PRCD: variants seen among roughly 807,000 people sequenced by gnomAD.
The protein encoded by PRCD is photoreceptor disk component PRCD.
A neutral mutation model predicts 10.1 loss-of-function variants in PRCD; 12 were observed. The observed-to-expected ratio is 1.18, with a 90% confidence interval of 0.76 to 1.92. The LOEUF (loss-of-function observed/expected upper bound fraction) is 1.92. Ranked by LOEUF, PRCD falls within the 40% of genes most tolerant of loss-of-function variation. The pLI is 0.00. For missense variants in PRCD, 61 were observed against 72.2 expected (o/e 0.84, Z 0.56); for synonymous variants, 31 against 26.2 (o/e 1.18, Z -0.56).
intron 4 of PRCD, 21 bp from the exon 5 acceptor site, chr17:76,543,782 G>T: frequency 2.1e-6 from 1 of 470,698 alleles, no homozygotes; most frequent in South Asian, 1.5e-5. Flanking sequence ...ACTCGCTTTT[G>T]TGTCATTTGC....
downstream of PRCD, among the ~76,000 whole-genome samples, chr17:76,547,770 CAT>C (rs1321610516): frequency 1.3e-5 from 2 of 150,078 alleles, no homozygotes; most frequent in African/African-American, 4.9e-5. Flanking sequence ...CCTATACAAA[CAT>C]ATAATACACA....
chr17:76,533,164 A>C lies in PRCD; in HGVS notation n.45+5331A>C, dbSNP rs1010880313. Among the ~76,000 whole-genome samples, 1 of 152,190 alleles carries C rather than the reference A, an allele frequency of 6.6e-6. No homozygotes were observed. The highest frequency in any genetic ancestry group is 6.5e-5 in the Admixed American group (1 of 15,270). ...GAAGTTTGCACAGTGACCAGGGCAC[A>C]GTCTGTGTGGAGACTCAGGAGGGCC... On this transcript the variant is annotated intron_variant and non_coding_transcript_variant, in intron 1 of 4. Transcript: ENST00000397633. This position sits in a 1 kb window ranked among gnomAD's most constrained non-coding sequence, Gnocchi z 4.5.
In PRCD at chr17:76,533,676, T is replaced by C. The variant is rs1446111385; in HGVS notation, n.45+5843T>C. 1.3e-5 allele frequency among the ~76,000 whole-genome samples: 2 copies of C among 152,024 alleles called. No homozygotes were observed. Among genetic ancestry groups the C allele is most frequent in the Non-Finnish European group, 2.9e-5 (2 of 68,016 alleles). The stretch of plus-strand genomic sequence containing the variant: ...AGGCCAAGGCTGCAGGGAGCCAAGA[T>C]TGTGCCATTGCACTCCAGCCTGGGT... On this transcript the variant is annotated intron_variant and non_coding_transcript_variant, in intron 1 of 4. Transcript: ENST00000397633. This position sits in a 1 kb window ranked among gnomAD's most constrained non-coding sequence, Gnocchi z 4.5.
At chr17:76,545,377 C>T, downstream of PRCD, 1 of 456,624 alleles carries the variant, frequency 2.2e-6, no homozygotes, top group Non-Finnish European at 4.4e-6. Context: ...TGACACTGTC[C>T]CCACTGAGGC....
chr17:76,529,335 T>C, intron 1 of PRCD: 2 of 985,394 alleles, frequency 2.0e-6, no homozygotes, highest in Non-Finnish European at 2.4e-6. Flanking sequence ...GGGTGCCAGT[T>C]TCCACGGTAG....
intron 1 of PRCD, chr17:76,552,785 A>G: frequency 6.7e-6 from 1 of 150,118 alleles, no homozygotes; most frequent in South Asian, 2.1e-4. Flanking sequence ...AATCACATGA[A>G]TCCAGGAGGT....
upstream of PRCD, chr17:76,537,665 C>T: frequency 2.3e-6 from 2 of 888,084 alleles, no homozygotes; most frequent in Non-Finnish European, 2.7e-6. Context: ...AGGGGTAGAG[C>T]GCGGAGGGAG....
At position 76,531,803 on chromosome 17, in the gene PRCD, G is replaced by T. The variant is rs184466615; in HGVS notation, n.45+3970G>T. 2 of 839,214 alleles carry T rather than the reference G, an allele frequency of 2.4e-6. No individual in the cohort carries two copies. The highest frequency in any genetic ancestry group is 3.7e-6 in the Non-Finnish European group (2 of 540,226). The allele number at this position is 839,214 out of a possible 1,614,324, so 52.0% of individuals were successfully genotyped here. On this transcript the variant is annotated intron_variant and non_coding_transcript_variant, in intron 1 of 4. Transcript: ENST00000397633. This position sits in a 1 kb window ranked among gnomAD's most constrained non-coding sequence, Gnocchi z 7.4. ...GTGGACCGCAGTGCTCCCCACCCCC[G>T]CACCGTCACTGTTTTCACTACCATC... is the stretch of plus-strand genomic sequence containing the variant.
intron 2 of PRCD, among the ~76,000 whole-genome samples, chr17:76,541,526 G>A (rs1374593074): frequency 2.6e-5 from 4 of 152,136 alleles, no homozygotes; most frequent in Non-Finnish European, 5.9e-5. Flanking sequence ...CCGTCTTTCT[G>A]TCTCCTGTCG....
downstream of PRCD, among the ~76,000 whole-genome samples, chr17:76,549,473 G>A (rs549852057): frequency 1.2e-4 from 19 of 152,318 alleles, no homozygotes; most frequent in African/African-American, 4.6e-4. Context: ...GCTGAAGGCC[G>A]ACCATAGTAA....
Position 76,542,556 on chromosome 17 carries a change from G to A in PRCD, c.147G>A (p.Glu49=), listed in dbSNP as rs776381622. Residue 49 remains glutamate (E), a synonymous_variant, in exon 3 of 5, where the codon GAG becomes GAA. Coordinates refer to ENST00000592014, the MANE Select transcript of PRCD (RefSeq NM_001077620.3). Reference sequence around the variant, plus strand: ...CCCAGTGCTTTCCTCTGTTTAGGGAGAAAGAACCTCTGAAGTAAGCCCTCA... The same window carrying A: ...CCCAGTGCTTTCCTCTGTTTAGGGAAAAAGAACCTCTGAAGTAAGCCCTCA... ...LDADPQSSGR[E]KEPLK 6.2e-7 allele frequency: 1 copy of A among 1,614,210 alleles called. No homozygotes were observed. The highest frequency in any genetic ancestry group is 8.5e-7 in the Non-Finnish European group (1 of 1,180,032).
rs1381070690 is a variant in PRCD, at chr17:76,544,273, T to C, written c.*623T>C. 1.1e-5 allele frequency: 5 copies of C among 454,412 alleles called. No homozygotes were observed. Among genetic ancestry groups the C allele is most frequent in the South Asian group, 6.2e-5 (4 of 64,478 alleles). The allele number at this position is 454,412 out of a possible 1,614,324, so 28.1% of individuals were successfully genotyped here. A position where few individuals can be genotyped will look rare whatever the true frequency, so the allele number is the denominator to read the frequency against. ...CCCAGCGGCGATGTCTCTGCCTGGCTGGCCCGTGCCCTTGACTTCCAGGCA... is the reference window on the plus strand; with the variant it reads ...CCCAGCGGCGATGTCTCTGCCTGGCCGGCCCGTGCCCTTGACTTCCAGGCA... On this transcript the variant is annotated 3_prime_UTR_variant, in exon 5 of 5. Transcript: ENST00000592014.
At position 76,544,583 on chromosome 17, in the gene PRCD, G is replaced by A. The variant is rs73998961; in HGVS notation, c.*933G>A. On this transcript the variant is annotated 3_prime_UTR_variant, in exon 5 of 5. Transcript: ENST00000592014. ...GAGCCTGCAGAGGCAAAGCCAGAGC[G>A]CCAGCCTGACCCAGGCCGTGAGCCC... is the stretch of plus-strand genomic sequence containing the variant. The A allele has an allele frequency of 0.019, 8,501 of 456,658 alleles. 230 individuals are homozygous for A. Among genetic ancestry groups the A allele is most frequent in the African/African-American group, 0.082 (4,104 of 50,176 alleles). 28.3% of individuals were successfully genotyped at this position (456,658 alleles called of 1,614,324 possible).
rs1465539901 is a variant in PRCD, at chr17:76,544,969, AAG to A, written c.*1324_*1325del. On this transcript the variant is annotated 3_prime_UTR_variant, in exon 5 of 5. Transcript: ENST00000592014. ...ATCCATCCAGAGGAAGGGCGGGAAA[AAG>A]AGAGGAAGGGGCTGCTGGCGGCCAG... 8.8e-6 allele frequency: 4 copies of A among 456,332 alleles called. No homozygotes were observed. Among genetic ancestry groups the A allele is most frequent in the Non-Finnish European group, 1.8e-5 (4 of 226,882 alleles). The allele number at this position is 456,332 out of a possible 1,614,324, so 28.3% of individuals were successfully genotyped here. A position where few individuals can be genotyped will look rare whatever the true frequency, so the allele number is the denominator to read the frequency against.
Position 76,544,334 on chromosome 17 carries a change from G to A in PRCD, c.*684G>A, listed in dbSNP as rs901996843. ...GAGTTCTCTAGACAGCAGCACTTCAGCCGCCACTCTGCCTCTGAAGGGAAG... is the reference window on the plus strand; with the variant it reads ...GAGTTCTCTAGACAGCAGCACTTCAACCGCCACTCTGCCTCTGAAGGGAAG... On this transcript the variant is annotated 3_prime_UTR_variant, in exon 5 of 5. Transcript: ENST00000592014. 34 of 454,386 alleles carry A rather than the reference G, an allele frequency of 7.5e-5. 1 individual carries two copies. The highest frequency in any genetic ancestry group is 1.4e-4 in the Non-Finnish European group (32 of 226,846). 28.1% of individuals were successfully genotyped at this position (454,386 alleles called of 1,614,324 possible).
In PRCD at chr17:76,531,200, C is replaced by G; in HGVS notation, n.45+3367C>G. The G allele has an allele frequency of 6.4e-7, 1 of 1,551,894 alleles. No individual in the cohort carries two copies. The highest frequency in any genetic ancestry group is 8.8e-7 in the Non-Finnish European group (1 of 1,137,084). On this transcript the variant is annotated intron_variant and non_coding_transcript_variant, in intron 1 of 4. Transcript: ENST00000397633. The surrounding 1 kb of genome is among the most constrained non-coding windows in gnomAD (Gnocchi z 7.4). ...CCCGGGCGCCCTGCGTCCTGCAACCCCCAGGCCCCTCCGCCCCACGTGTGG... is the reference window on the plus strand; with the variant it reads ...CCCGGGCGCCCTGCGTCCTGCAACCGCCAGGCCCCTCCGCCCCACGTGTGG...
chr17:76,527,683 C>A (rs764523129), upstream of PRCD: 8 of 453,914 alleles, frequency 1.8e-5, no homozygotes, highest in Non-Finnish European at 3.1e-5. Context: ...GTCCCGCCGA[C>A]CTGCTGCCCA....
rs1280089315 is a variant in PRCD, at chr17:76,530,292, A to C, written n.45+2459A>C. Among the ~76,000 whole-genome samples, 2 of 151,838 alleles carry C rather than the reference A, an allele frequency of 1.3e-5. No homozygotes were observed. Among genetic ancestry groups the C allele is most frequent in the Non-Finnish European group, 2.9e-5 (2 of 67,916 alleles). Reference sequence around the variant, plus strand: ...GGGAGGCCGAGTGTTCCCAACCGCCACATCTGGGGGCTAGCCCTCCCCTCA... The same window carrying C: ...GGGAGGCCGAGTGTTCCCAACCGCCCCATCTGGGGGCTAGCCCTCCCCTCA... On this transcript the variant is annotated intron_variant and non_coding_transcript_variant, in intron 1 of 4. Coordinates refer to the PRCD transcript ENST00000397633. This position sits in a 1 kb window ranked among gnomAD's most constrained non-coding sequence, Gnocchi z 6.1.
Position 76,530,987 on chromosome 17 carries a change from G to T in PRCD, n.45+3154G>T. ...CTCGCCCGCCTCCTCACGTGGTGGCGTTGGGGACCTGCTGCACCCAGCCCA... is the reference window on the plus strand; with the variant it reads ...CTCGCCCGCCTCCTCACGTGGTGGCTTTGGGGACCTGCTGCACCCAGCCCA... On this transcript the variant is annotated intron_variant and non_coding_transcript_variant, in intron 1 of 4. Coordinates refer to the PRCD transcript ENST00000397633. This position sits in a 1 kb window ranked among gnomAD's most constrained non-coding sequence, Gnocchi z 6.1. 3 of 1,604,802 alleles carry T rather than the reference G, an allele frequency of 1.9e-6. No homozygotes were observed. The highest frequency in any genetic ancestry group is 2.6e-6 in the Non-Finnish European group (3 of 1,175,040).
Sources: gnomAD v4.1 joint callset for allele counts (sites outside exome capture counted in the v4.1 genomes callset) on GRCh38, gnomAD v4.1.1 for gene constraint, Gnocchi (gnomAD v3.1) non-coding constraint, MANE v1.5 for transcripts, NCBI Gene and HGNC (gene_info 2026-07-23, HGNC 2026-07-21) for gene names.